The following SDHB variants were observed in gnomAD, a reference collection of about 807,000 sequenced individuals.
SDHB encodes the protein succinate dehydrogenase complex iron sulfur subunit B.
Under a neutral mutation model 39.7 loss-of-function variants are expected in SDHB, and 21 were observed. That is an observed-to-expected ratio of 0.53 (90% CI 0.37 to 0.76). SDHB has a LOEUF of 0.76. Among genes scored for constraint, SDHB ranks in the 30% least tolerant of loss-of-function variants. The probability of loss-of-function intolerance (pLI) is 0.00; values close to 1 mark genes in which losing one functional copy is unlikely to be tolerated. For synonymous variants in SDHB, 118 were observed against 117.0 expected, an observed-to-expected ratio of 1.01 and a Z score of -0.06; for missense variants, 343 against 350.9, an observed-to-expected ratio of 0.98 and a Z score of 0.18.
At chr1:17,039,054 T>C (rs2078064724) in intron 2 of SDHB, among the ~76,000 whole-genome samples, 1 of 152,162 alleles carries the variant, frequency 6.6e-6, no homozygotes, top group African/African-American at 2.4e-5. Context: ...TTTAAAAAAA[T>C]CTATTCTGAC....
chr1:17,025,632 T>A (rs1483698862), intron 5 of SDHB, among the ~76,000 whole-genome samples: 2 of 152,178 alleles, frequency 1.3e-5, no homozygotes, highest in African/African-American at 4.8e-5. Context: ...CTGAAAATTA[T>A]AGCTTATTTA....
At chr1:17,021,030 CCA>C (rs895313410) in intron 7 of SDHB, among the ~76,000 whole-genome samples, 3 of 152,206 alleles carry the variant, frequency 2.0e-5, no homozygotes, top group Non-Finnish European at 2.9e-5. Flanking sequence ...GTGAAATCAC[CCA>C]CAGTCTTTGC....
intron 1 of SDHB, among the ~76,000 whole-genome samples, chr1:17,051,001 C>G (rs2078143620): frequency 6.6e-6 from 1 of 152,178 alleles, no homozygotes; most frequent in Non-Finnish European, 1.5e-5. Flanking sequence ...GATCATATAG[C>G]AACACAGGTC....
chr1:17,039,098 T>C (rs1214343072), intron 2 of SDHB, among the ~76,000 whole-genome samples: 4 of 152,096 alleles, frequency 2.6e-5, no homozygotes, highest in Non-Finnish European at 4.4e-5. Flanking sequence ...TATTTAATAG[T>C]TTTTACATTC....
At chr1:17,042,663 A>G (rs6586494) in intron 2 of SDHB, among the ~76,000 whole-genome samples, 41,230 of 151,836 alleles carry the variant, frequency 0.27, 6,312 homozygotes, top group East Asian at 0.63. Flanking sequence ...CTATAGTCCC[A>G]GTTACTCAGG....
chr1:17,032,816 G>A (rs1401300923), intron 3 of SDHB: 3 of 553,246 alleles, frequency 5.4e-6, no homozygotes, highest in East Asian at 3.2e-5. Flanking sequence ...CAGCTCACAG[G>A]GACCGCCAGA....
intron 4 of SDHB, 88 bp from the exon 5 acceptor site, chr1:17,027,953 C>T (rs1042867679): frequency 2.5e-6 from 2 of 786,266 alleles, no homozygotes; most frequent in African/African-American, 3.4e-5. Context: ...ATTTCTTGGA[C>T]ACTGACTACT....
At chr1:17,022,846 T>C in intron 6 of SDHB, 116 bp from the exon 7 acceptor site, 1 of 1,248,814 alleles carries the variant, frequency 8.0e-7, no homozygotes, top group Non-Finnish European at 1.1e-6. Flanking sequence ...CTTAGATGCC[T>C]CATCTCCATA....
At chr1:17,050,007 T>C (rs868539763) in intron 1 of SDHB, among the ~76,000 whole-genome samples, 2 of 152,146 alleles carry the variant, frequency 1.3e-5, no homozygotes, top group African/African-American at 2.4e-5. Flanking sequence ...CATTAGGCTC[T>C]ATCAAGCTGG....
chr1:17,018,871 A>G lies in SDHB; in HGVS notation c.*10T>C, dbSNP rs748333077. 6.3e-7 allele frequency: 1 copy of G among 1,591,344 alleles called. No homozygotes were observed. Among genetic ancestry groups the G allele is most frequent in the Non-Finnish European group, 8.6e-7 (1 of 1,159,468 alleles). On this transcript the variant is annotated 3_prime_UTR_variant, in exon 8 of 8. Coordinates refer to ENST00000375499, the MANE Select transcript of SDHB (RefSeq NM_003000.3). ...GAGCTGGTTATAAATCATGTTTAGCATGGAAACAGTTAAACTGAAGCTTTC... is the reference window on the plus strand; with the variant it reads ...GAGCTGGTTATAAATCATGTTTAGCGTGGAAACAGTTAAACTGAAGCTTTC...
chr1:17,037,941 A>G (rs1190918312), intron 2 of SDHB, among the ~76,000 whole-genome samples: 3 of 152,184 alleles, frequency 2.0e-5, no homozygotes, highest in Non-Finnish European at 4.4e-5. Flanking sequence ...GTTCGAGACC[A>G]GCCTGACCAA....
intron 7 of SDHB, among the ~76,000 whole-genome samples, chr1:17,019,550 G>C (rs559310428): frequency 6.6e-6 from 1 of 152,148 alleles, no homozygotes; most frequent in South Asian, 2.1e-4. Context: ...CATTGAAGTA[G>C]AAAGTAGGAA....
intron 1 of SDHB, among the ~76,000 whole-genome samples, chr1:17,049,033 A>C (rs1353006775): frequency 6.7e-6 from 1 of 150,158 alleles, no homozygotes. Flanking sequence ...TTTTATAGAC[A>C]CATGGTCTAG....
chr1:17,051,117 A>G (rs1293493834), intron 1 of SDHB, among the ~76,000 whole-genome samples: 1 of 152,246 alleles, frequency 6.6e-6, no homozygotes, highest in African/African-American at 2.4e-5. Context: ...ATGAGATCCA[A>G]GGAACAAAAG....
chr1:17,050,998 T>G (rs761803029), intron 1 of SDHB, among the ~76,000 whole-genome samples: 1 of 152,234 alleles, frequency 6.6e-6, no homozygotes, highest in East Asian at 1.9e-4. Flanking sequence ...TAGGATCATA[T>G]AGCAACACAG....
At position 17,044,805 on chromosome 1, in the gene SDHB, A is replaced by G. The variant is rs1459423949; in HGVS notation, c.156T>C (p.Ala52=). Residue 52 remains alanine, a synonymous_variant, in exon 2 of 8, where the codon GCT becomes GCC. Coordinates refer to ENST00000375499, the MANE Select transcript of SDHB (RefSeq NM_003000.3). ...AAGTCTGCATATGAGGTTTGTCTCC[A>G]GCCTTGTCTGGGTCCCATCGATAGA... is the stretch of plus-strand genomic sequence containing the variant. The part of the protein sequence containing the change: ...FAIYRWDPDK[A]GDKPHMQTYE... 6.2e-7 allele frequency: 1 copy of G among 1,614,060 alleles called. No homozygotes were observed. The highest frequency in any genetic ancestry group is 1.7e-5 in the Admixed American group (1 of 60,002).
chr1:17,053,077 G>C (rs961909779), intron 1 of SDHB, among the ~76,000 whole-genome samples: 54 of 152,148 alleles, frequency 3.5e-4, no homozygotes, highest in African/African-American at 1.3e-3. Context: ...AACAGACTTA[G>C]AAAGGATTTG....
intron 6 of SDHB, 50 bp from the exon 7 acceptor site, chr1:17,022,780 G>A (rs199925530): frequency 2.9e-5 from 46 of 1,589,528 alleles, no homozygotes; most frequent in East Asian, 2.3e-4. Flanking sequence ...AGGCCAGAGC[G>A]GCACCCTGGC....
chr1:17,028,739 G>A lies in SDHB; in HGVS notation c.287-3C>T, dbSNP rs1553177772. 6.2e-7 allele frequency: 1 copy of A among 1,613,824 alleles called. No homozygotes were observed. Among genetic ancestry groups the A allele is most frequent in the South Asian group, 1.1e-5 (1 of 91,078 alleles). On this transcript the variant is annotated splice_region_variant and splice_polypyrimidine_tract_variant and intron_variant, in intron 3 of 7. Coordinates refer to ENST00000375499, the MANE Select transcript of SDHB (RefSeq NM_003000.3). ...CATTGCACAAGAGCCACAGATGCCTGAAAGAGACACACATTTAACACATCC... is the reference window on the plus strand; with the variant it reads ...CATTGCACAAGAGCCACAGATGCCTAAAAGAGACACACATTTAACACATCC...
Sources: allele counts gnomAD v4.1 joint callset (sites outside exome capture counted in the v4.1 genomes callset), GRCh38; gene constraint gnomAD v4.1.1; transcripts MANE v1.5; gene names NCBI Gene and HGNC (gene_info 2026-07-23, HGNC 2026-07-21).